ASIC2: variants seen among roughly 807,000 people sequenced by gnomAD.
The protein encoded by ASIC2 is acid-sensing ion channel 2.
In ASIC2, 25 loss-of-function variants were observed where a neutral mutation model predicts 57.3. The ratio of observed to expected loss-of-function variants is 0.44; its 90% CI spans 0.32 to 0.61. The LOEUF (loss-of-function observed/expected upper bound fraction) is 0.61. Ranked by LOEUF, ASIC2 falls within the 20% of genes least tolerant of loss-of-function variation. The pLI, the probability that ASIC2 is intolerant of heterozygous loss-of-function variation, is 0.06. For missense variants in ASIC2, 641 were observed against 738.1 expected, an observed-to-expected ratio of 0.87 and a Z score of 1.52; for synonymous variants, 319 against 307.5, an observed-to-expected ratio of 1.04 and a Z score of -0.39.
intron 1 of ASIC2, among the ~76,000 whole-genome samples, chr17:33,568,041 A>G (rs1240721971): frequency 7.9e-5 from 12 of 152,120 alleles, no homozygotes; most frequent in Non-Finnish European, 1.8e-4. Flanking sequence ...TTTTGTTTTT[A>G]TATTTGATTA....
chr17:33,019,015 G>A (rs757224503), intron 7 of ASIC2, among the ~76,000 whole-genome samples: 33 of 152,286 alleles, frequency 2.2e-4, no homozygotes, highest in Admixed American at 4.6e-4. Context: ...CCAGTGGAAC[G>A]CGGTGCTGGC....
At chr17:33,441,299 AT>A (rs1911815119) in intron 1 of ASIC2, among the ~76,000 whole-genome samples, 1 of 152,176 alleles carries the variant, frequency 6.6e-6, no homozygotes, top group Non-Finnish European at 1.5e-5. Flanking sequence ...CTTGAAAAAC[AT>A]TTTTAAAAGG....
At chr17:33,136,125 G>C (rs1412722149) in intron 1 of ASIC2, among the ~76,000 whole-genome samples, 3 of 152,220 alleles carry the variant, frequency 2.0e-5, no homozygotes, top group African/African-American at 7.2e-5. Flanking sequence ...GTTCCCGTGT[G>C]CACGTGTGTT....
intron 1 of ASIC2, among the ~76,000 whole-genome samples, chr17:34,085,355 T>A (rs1485541875): frequency 2.0e-5 from 3 of 152,244 alleles, no homozygotes; most frequent in Non-Finnish European, 4.4e-5. Context: ...GATTTGTGTA[T>A]ATTGAACCAG....
intron 1 of ASIC2, among the ~76,000 whole-genome samples, chr17:33,384,164 G>A (rs905830014): frequency 2.0e-5 from 3 of 152,192 alleles, no homozygotes; most frequent in African/African-American, 7.2e-5. Context: ...ATCTGATACT[G>A]AGACATCTCA....
intron 3 of ASIC2, among the ~76,000 whole-genome samples, chr17:33,041,599 C>G (rs574123410): frequency 1.3e-5 from 2 of 152,222 alleles, no homozygotes; most frequent in Non-Finnish European, 2.9e-5. Flanking sequence ...AGCCAGAACT[C>G]GGGTTCTAAC....
intron 1 of ASIC2, among the ~76,000 whole-genome samples, chr17:33,633,030 G>C (rs932719545): frequency 2.6e-5 from 4 of 152,192 alleles, no homozygotes; most frequent in African/African-American, 9.7e-5. Flanking sequence ...GGCTTCTCCT[G>C]TGTGGGTTCC....
chr17:33,693,609 G>A (rs1232312320), intron 1 of ASIC2, among the ~76,000 whole-genome samples: 2 of 152,232 alleles, frequency 1.3e-5, no homozygotes, highest in African/African-American at 4.8e-5. Flanking sequence ...TGCGGACCAG[G>A]TCTGAGGAGC....
At chr17:33,648,569 C>T (rs1023827664) in intron 1 of ASIC2, among the ~76,000 whole-genome samples, 2 of 152,230 alleles carry the variant, frequency 1.3e-5, no homozygotes, top group African/African-American at 4.8e-5. Flanking sequence ...ACAGGGTCAT[C>T]TAGAAACCAC....
At chr17:33,786,952 A>G (rs1214483987) in intron 1 of ASIC2, among the ~76,000 whole-genome samples, 1 of 152,272 alleles carries the variant, frequency 6.6e-6, no homozygotes, top group Admixed American at 6.5e-5. Flanking sequence ...ACTGTGATAC[A>G]AACTAATTTA....
chr17:33,316,395 G>A (rs888019680), intron 1 of ASIC2, among the ~76,000 whole-genome samples: 2 of 152,130 alleles, frequency 1.3e-5, no homozygotes, highest in Non-Finnish European at 2.9e-5. Context: ...TGCGTTCTAG[G>A]CATTGCAAAC....
intron 1 of ASIC2, among the ~76,000 whole-genome samples, chr17:34,096,175 G>A (rs139047195): frequency 1.6e-3 from 249 of 152,230 alleles, no homozygotes; most frequent in African/African-American, 5.9e-3. Context: ...ACACACAGAA[G>A]GGTATTTGAA....
chr17:34,035,331 G>A (rs1259175726), intron 1 of ASIC2, among the ~76,000 whole-genome samples: 6 of 144,956 alleles, frequency 4.1e-5, no homozygotes, highest in Admixed American at 2.0e-4. Flanking sequence ...CTAGCCACAT[G>A]TAGAAAGCTG....
chr17:33,258,188 T>G (rs1264570291), intron 1 of ASIC2, among the ~76,000 whole-genome samples: 1 of 152,222 alleles, frequency 6.6e-6, no homozygotes, highest in Admixed American at 6.5e-5. Context: ...ATCTACTCGT[T>G]CACAGCATCA....
At chr17:33,171,287 A>G (rs185684474) in intron 1 of ASIC2, among the ~76,000 whole-genome samples, 1 of 152,276 alleles carries the variant, frequency 6.6e-6, no homozygotes, top group East Asian at 1.9e-4. Flanking sequence ...CCCTAGCCCA[A>G]ACTTCTCAGA....
chr17:33,169,364 G>A (rs755906226), intron 1 of ASIC2, among the ~76,000 whole-genome samples: 5 of 152,156 alleles, frequency 3.3e-5, no homozygotes, highest in Admixed American at 6.5e-5. Flanking sequence ...TGCTTAGACA[G>A]CATTTGAACA....
chr17:33,808,515 T>C (rs899919904), intron 1 of ASIC2, among the ~76,000 whole-genome samples: 10 of 152,222 alleles, frequency 6.6e-5, no homozygotes, highest in African/African-American at 2.2e-4. Flanking sequence ...TCTGGGTCTG[T>C]TGCATCTCCA....
chr17:33,181,362 A>G (rs2142059094), intron 1 of ASIC2, among the ~76,000 whole-genome samples: 1 of 152,332 alleles, frequency 6.6e-6, no homozygotes, highest in Admixed American at 6.5e-5. Context: ...CTTTATACAG[A>G]CAAAATCATT....
At position 33,197,980 on chromosome 17, in the gene ASIC2, G is replaced by T. The variant is rs535520395; in HGVS notation, c.709-85913C>A. On this transcript the variant is annotated intron_variant, in intron 1 of 9. Transcript: ENST00000225823. Reference sequence around the variant, plus strand: ...CCTGGGCCTCACAGATGTTAGTGGGGAACCTGGCTCCTGGGAACATTATTT... The same window carrying T: ...CCTGGGCCTCACAGATGTTAGTGGGTAACCTGGCTCCTGGGAACATTATTT... 3.5e-3 allele frequency among the ~76,000 whole-genome samples: 530 copies of T among 152,310 alleles called. 4 individuals carry two copies. The highest frequency in any genetic ancestry group is 0.012 in the African/African-American group (497 of 41,578).
Sources: gnomAD v4.1 joint callset for allele counts (sites outside exome capture counted in the v4.1 genomes callset) on GRCh38, gnomAD v4.1.1 for gene constraint, MANE v1.5 for transcripts, NCBI Gene and HGNC (gene_info 2026-07-23, HGNC 2026-07-21) for gene names.